The following ZNF879 variants were observed in gnomAD, a reference collection of about 807,000 sequenced individuals.
ZNF879 encodes zinc finger protein 879.
ZNF879 carries 32 observed loss-of-function variants against 44.3 expected under a neutral mutation model. The observed-to-expected ratio is 0.72, with a 90% CI of 0.54 to 0.97. The LOEUF is 0.97. Among genes scored for constraint, ZNF879 ranks in the 50% least tolerant of loss-of-function variants. The pLI is 0.00. For synonymous variants in ZNF879, 234 were observed against 233.2 expected (o/e 1.00, Z -0.03); for missense variants, 621 against 669.7 (o/e 0.93, Z 0.80).
chr5:179,024,213 T>C (rs6859936), intron 1 of ZNF879, among the ~76,000 whole-genome samples: 44,831 of 152,122 alleles, frequency 0.29, 7,159 homozygotes, highest in African/African-American at 0.43. Flanking sequence ...GGGCGGTTTT[T>C]CGCTCTTAGT....
chr5:179,033,005 T>C lies in ZNF879; in HGVS notation c.1057T>C (p.Phe353Leu). ...TGAATGTACTCAGTGTGGGAAAGCC[T>C]TCACTTCAATATCGCGGCTAAGTAG... ...PYECTQCGKA[F>L]TSISRLSRHH... The change falls in exon 5 of 5, where the codon TTC (phenylalanine) becomes CTC (leucine). Residue 353 changes from phenylalanine to leucine, a missense_variant. Phe to Leu is a conservative substitution (Grantham distance 22). Coordinates refer to ENST00000444149, the MANE Select transcript of ZNF879 (RefSeq NM_001136116.3). 5 of 1,556,716 alleles carry C rather than the reference T, an allele frequency of 3.2e-6. No individual in the cohort carries two copies. Among genetic ancestry groups the C allele is most frequent in the Non-Finnish European group, 4.3e-6 (5 of 1,150,150 alleles).
intron 2 of ZNF879, 107 bp from the exon 3 acceptor site, chr5:179,027,366 C>T (rs1397289706): frequency 9.4e-6 from 14 of 1,489,898 alleles, no homozygotes; most frequent in Non-Finnish European, 1.2e-5. Flanking sequence ...AAAAGTTGTC[C>T]AGAAACACTT....
intron 4 of ZNF879, among the ~76,000 whole-genome samples, chr5:179,029,069 T>C (rs1761354211): frequency 4.4e-5 from 6 of 135,700 alleles, no homozygotes. Flanking sequence ...CCTCTGAGAT[T>C]TGTTGTTTTG....
intron 2 of ZNF879, 86 bp downstream of exon 2, chr5:179,025,123 A>C: frequency 1.4e-6 from 2 of 1,467,292 alleles, no homozygotes; most frequent in Non-Finnish European, 1.9e-6. Flanking sequence ...TTCTCTACCC[A>C]GTGAAGCTCA....
intron 2 of ZNF879, among the ~76,000 whole-genome samples, chr5:179,025,481 C>T (rs942502489): frequency 3.3e-5 from 5 of 152,316 alleles, no homozygotes; most frequent in Admixed American, 1.3e-4. Context: ...TGAGCCACCG[C>T]GCCCGGCCCC....
At chr5:179,025,261 C>T (rs1006667865) in intron 2 of ZNF879, among the ~76,000 whole-genome samples, 1 of 151,688 alleles carries the variant, frequency 6.6e-6, no homozygotes, top group Non-Finnish European at 1.5e-5. Context: ...ACTCTGTTAC[C>T]CAGGCTGGAG....
At position 179,033,657 on chromosome 5, in the gene ZNF879, G is replaced by A. The variant is rs1039038719; in HGVS notation, c.*17G>A. On this transcript the variant is annotated 3_prime_UTR_variant, in exon 5 of 5. Transcript: ENST00000444149. ...CATAATTGAGAAAAACTGTATAAAT[G>A]CATGTAGGAACTGAAGTTATATTCC... The A allele has an allele frequency of 2.8e-5, 40 of 1,451,880 alleles. No homozygotes were observed. Among genetic ancestry groups the A allele is most frequent in the Admixed American group, 2.7e-5 (1 of 36,554 alleles). The allele number at this position is 1,451,880 out of a possible 1,614,324, so 89.9% of individuals were successfully genotyped here.
intron 2 of ZNF879, 138 bp from the exon 3 acceptor site, chr5:179,027,335 T>C (rs1347156045): frequency 1.6e-6 from 2 of 1,248,672 alleles, no homozygotes; most frequent in Non-Finnish European, 2.2e-6. Context: ...AGGTAAATGA[T>C]AAATGTGTGC....
At chr5:179,025,655 C>G (rs1225114363) in intron 2 of ZNF879, among the ~76,000 whole-genome samples, 1 of 152,046 alleles carries the variant, frequency 6.6e-6, no homozygotes, top group African/African-American at 2.4e-5. Flanking sequence ...AAAAGAGAGG[C>G]CCTGTATTCC....
At chr5:179,029,739 T>C (rs1419783853) in intron 4 of ZNF879, among the ~76,000 whole-genome samples, 4 of 152,206 alleles carry the variant, frequency 2.6e-5, no homozygotes, top group African/African-American at 9.7e-5. Context: ...GCATATTTGC[T>C]TAAATGTGTT....
Position 179,033,845 on chromosome 5 carries a change from CTTAAG to C in ZNF879, c.*209_*213del, listed in dbSNP as rs200222098. Reference sequence around the variant, plus strand: ...TCTATAAAATGTTTATTCATATGTTCTTAAGTTATTACCATGAAATGGAGAATTTT... The same window carrying C: ...TCTATAAAATGTTTATTCATATGTTCTTATTACCATGAAATGGAGAATTTT... On this transcript the variant is annotated 3_prime_UTR_variant, in exon 5 of 5. Transcript: ENST00000444149. 3.8e-3 allele frequency: 1,666 copies of C among 437,886 alleles called. 22 individuals carry two copies. Among genetic ancestry groups the C allele is most frequent in the African/African-American group, 0.031 (1,516 of 49,182 alleles). 27.1% of individuals were successfully genotyped at this position (437,886 alleles called of 1,614,324 possible). A position where few individuals can be genotyped will look rare whatever the true frequency, so the allele number is the denominator to read the frequency against.
Position 179,033,486 on chromosome 5 carries a change from A to C in ZNF879, c.1538A>C (p.Asn513Thr), listed in dbSNP as rs1234466672. 6.4e-7 allele frequency: 1 copy of C among 1,563,386 alleles called. No homozygotes were observed. Among genetic ancestry groups the C allele is most frequent in the African/African-American group, 1.4e-5 (1 of 73,236 alleles). Reference sequence around the variant, plus strand: ...ATTCATACTGGAGAGAAACCATATAATTGTAAAGTGTGTGGGAAAGCCTTC... The same window carrying C: ...ATTCATACTGGAGAGAAACCATATACTTGTAAAGTGTGTGGGAAAGCCTTC... ...QRIHTGEKPY[N>T]CKVCGKAFRQ... is the part of the protein sequence containing the mutation. The change falls in exon 5 of 5, where the codon AAT becomes ACT. Residue 513 changes from asparagine to threonine, a missense_variant. Physicochemically the swap from Asn to Thr is moderately conservative, Grantham distance 65. Transcript: ENST00000444149.
chr5:179,030,480 C>T (rs1176500973), intron 4 of ZNF879, among the ~76,000 whole-genome samples: 2 of 152,170 alleles, frequency 1.3e-5, no homozygotes, highest in African/African-American at 4.8e-5. Context: ...ATTATATTGC[C>T]ATTAAAATGA....
At position 179,033,508 on chromosome 5, in the gene ZNF879, C is replaced by G. The variant is rs746797389; in HGVS notation, c.1560C>G (p.Ala520=). 2.6e-6 allele frequency: 4 copies of G among 1,558,664 alleles called. No individual in the cohort carries two copies. In the Admixed American group the frequency reaches 5.8e-5, roughly 23 times the overall value. Residue 520 remains alanine (A), a synonymous_variant, in exon 5 of 5, where the codon GCC becomes GCG. Coordinates refer to ENST00000444149, the MANE Select transcript of ZNF879 (RefSeq NM_001136116.3). ...ATAATTGTAAAGTGTGTGGGAAAGC[C>G]TTCAGACAGAGTTCATCCCTTATGA... is the stretch of plus-strand genomic sequence containing the variant. ...KPYNCKVCGK[A]FRQSSSLMTH... is the part of the protein sequence containing the mutation.
At position 179,032,844 on chromosome 5, in the gene ZNF879, G is replaced by C. The variant is rs1262596355; in HGVS notation, c.896G>C (p.Gly299Ala). Reference protein sequence around the residue: ...KCKECGKTFKGSSSLNNHQRI... With the variant: ...KCKECGKTFKASSSLNNHQRI... ...AAGGAATGTGGAAAAACATTTAAAG[G>C]TAGTTCATCTCTTAATAATCACCAG... Residue 299 changes from glycine to alanine, a missense_variant, in exon 5 of 5, where the codon GGT becomes GCT. By Grantham distance (60) the Gly-to-Ala change is moderately conservative. Coordinates refer to ENST00000444149, the MANE Select transcript of ZNF879 (RefSeq NM_001136116.3). 1 of 1,558,576 alleles carries C rather than the reference G, an allele frequency of 6.4e-7. No homozygotes were observed. The highest frequency in any genetic ancestry group is 1.4e-5 in the African/African-American group (1 of 73,142).
intron 3 of ZNF879, among the ~76,000 whole-genome samples, chr5:179,027,803 C>T (rs907750772): frequency 1.4e-4 from 22 of 152,272 alleles, no homozygotes; most frequent in African/African-American, 5.3e-4. Context: ...CTTCTGCCCA[C>T]TGAGCTCTGT....
chr5:179,028,084 C>A lies in ZNF879; in HGVS notation c.213C>A (p.Asp71Glu), dbSNP rs568666692. The stretch of plus-strand genomic sequence containing the variant: ...TCTCCCAGTTAGAGCAAGGAGAAGA[C>A]CCCTGGATGGTGGAGAGTGGAGTTC... ...KVISQLEQGE[D>E]PWMVESGVPQ... is the part of the protein sequence containing the mutation. Residue 71 changes from aspartate (D) to glutamate (E), a missense_variant, in exon 4 of 5, where the codon GAC (aspartate) becomes GAA (glutamate). Physicochemically the swap from Asp to Glu is conservative, Grantham distance 45 (BLOSUM62 2). Coordinates refer to ENST00000444149, the MANE Select transcript of ZNF879 (RefSeq NM_001136116.3). 33 of 1,551,534 alleles carry A rather than the reference C, an allele frequency of 2.1e-5. No individual in the cohort carries two copies. The East Asian group carries it at 7.3e-4, about 34-fold the overall frequency.
chr5:179,031,248 G>A (rs905950713), intron 4 of ZNF879, among the ~76,000 whole-genome samples: 1 of 152,174 alleles, frequency 6.6e-6, no homozygotes, highest in African/African-American at 2.4e-5. Flanking sequence ...CAGTGATGCT[G>A]ATGAACTTCC....
chr5:179,028,338 A>G (rs1375639172), intron 4 of ZNF879, among the ~76,000 whole-genome samples: 1 of 152,154 alleles, frequency 6.6e-6, no homozygotes, highest in Non-Finnish European at 1.5e-5. Context: ...GATATCTTGT[A>G]ATTTGCAGAA....
Sources: allele counts gnomAD v4.1 joint callset (sites outside exome capture counted in the v4.1 genomes callset), GRCh38; gene constraint gnomAD v4.1.1; transcripts MANE v1.5; gene names NCBI Gene and HGNC (gene_info 2026-07-23, HGNC 2026-07-21).